Variants in SPIDR observed in about 807,000 individuals in gnomAD.
SPIDR encodes DNA repair-scaffolding protein.
In SPIDR, 93 loss-of-function variants were observed where a neutral mutation model predicts 104.6. That is an observed-to-expected ratio of 0.89 (90% CI 0.75 to 1.06). The LOEUF (loss-of-function observed/expected upper bound fraction) is 1.06, where lower values mean the gene tolerates loss of function less well. Among genes scored for constraint, SPIDR ranks in the 50% least tolerant of loss-of-function variants. The probability of loss-of-function intolerance (pLI) is 0.00; values close to 1 mark genes in which losing one functional copy is unlikely to be tolerated. For synonymous variants in SPIDR, 431 were observed against 416.9 expected, an observed-to-expected ratio of 1.03 and a Z score of -0.41; for missense variants, 1,154 against 1,111.2, an observed-to-expected ratio of 1.04 and a Z score of -0.55.
intron 8 of SPIDR, among the ~76,000 whole-genome samples, chr8:47,452,136 C>T (rs2071897395): frequency 6.6e-6 from 1 of 152,072 alleles, no homozygotes; most frequent in Non-Finnish European, 1.5e-5. Flanking sequence ...GTTGATGAAA[C>T]CCAAAGACAA....
intron 16 of SPIDR, among the ~76,000 whole-genome samples, chr8:47,717,973 C>A (rs1455496651): frequency 6.6e-6 from 1 of 152,152 alleles, no homozygotes; most frequent in African/African-American, 2.4e-5. Flanking sequence ...ATGAGAGCAG[C>A]CCTGGGGCAC....
intron 16 of SPIDR, among the ~76,000 whole-genome samples, chr8:47,721,309 T>G (rs1251807615): frequency 6.6e-6 from 1 of 152,198 alleles, no homozygotes; most frequent in Admixed American, 6.5e-5. Flanking sequence ...TTTTTTTGCC[T>G]GTGGAAATCT....
chr8:47,343,782 C>T (rs1475888650), intron 5 of SPIDR, among the ~76,000 whole-genome samples: 1 of 151,978 alleles, frequency 6.6e-6, no homozygotes, highest in African/African-American at 2.4e-5. Flanking sequence ...GTTTCATTCC[C>T]AGAAGTTTCT....
At chr8:47,324,212 G>C (rs997181704) in intron 5 of SPIDR, among the ~76,000 whole-genome samples, 8 of 152,160 alleles carry the variant, frequency 5.3e-5, no homozygotes, top group Admixed American at 2.0e-4. Flanking sequence ...TATCTTGTCT[G>C]AAATCACACA....
chr8:47,503,007 T>G (rs532145231), intron 8 of SPIDR, among the ~76,000 whole-genome samples: 1 of 152,328 alleles, frequency 6.6e-6, no homozygotes, highest in South Asian at 2.1e-4. Context: ...AGAGAGAGTT[T>G]GTTATAATTT....
In SPIDR at chr8:47,732,123, C is replaced by G. The variant is rs2085346763; in HGVS notation, c.2604+2658C>G. 4 of 702,464 alleles carry G rather than the reference C, an allele frequency of 5.7e-6. No individual in the cohort carries two copies. In the South Asian group the frequency reaches 5.9e-5, roughly 10 times the overall value. 43.5% of individuals were successfully genotyped at this position (702,464 alleles called of 1,614,324 possible). ...GACACCCGTTCCAATCCCCACCCCT[C>G]TTTAGAGATCCAGAGACCAGGAACC... On this transcript the variant is annotated intron_variant, in intron 19 of 19. Transcript: ENST00000297423.
rs544480585 is a variant in SPIDR, at chr8:47,401,162, A to G, written c.776+4536A>G. The stretch of plus-strand genomic sequence containing the variant: ...CTCGGCAGACACTCTAGAAGCCAGA[A>G]TAGAGTGGGGGGCCAATATTCAACA... On this transcript the variant is annotated intron_variant, in intron 6 of 19. Transcript: ENST00000297423. 2.6e-3 allele frequency among the ~76,000 whole-genome samples: 392 copies of G among 152,344 alleles called. 2 individuals are homozygous for G. Among genetic ancestry groups the G allele is most frequent in the African/African-American group, 8.7e-3 (361 of 41,588 alleles).
intron 8 of SPIDR, among the ~76,000 whole-genome samples, chr8:47,591,278 G>A (rs894673971): frequency 5.3e-5 from 8 of 149,816 alleles, no homozygotes; most frequent in African/African-American, 1.7e-4. Flanking sequence ...TATTTATAAC[G>A]TTTTGGTGTA....
At chr8:47,298,946 T>C (rs2041470368) in intron 5 of SPIDR, among the ~76,000 whole-genome samples, 1 of 152,238 alleles carries the variant, frequency 6.6e-6, no homozygotes, top group Non-Finnish European at 1.5e-5. Context: ...GGCTCCTTTT[T>C]GGTTCCATAT....
At chr8:47,433,473 C>T (rs1554690428) in intron 7 of SPIDR, among the ~76,000 whole-genome samples, 1 of 47,810 alleles carries the variant, frequency 2.1e-5, no homozygotes, top group Non-Finnish European at 3.9e-5. Context: ...TGCCCAGGCT[C>T]CAGCCGACCA....
At chr8:47,710,221 A>T (rs1314201468) in intron 14 of SPIDR, among the ~76,000 whole-genome samples, 2 of 152,102 alleles carry the variant, frequency 1.3e-5, no homozygotes, top group Non-Finnish European at 2.9e-5. Context: ...TACTGCTTTA[A>T]TTAGTTACTG....
At chr8:47,430,617 T>G (rs944355992) in intron 7 of SPIDR, among the ~76,000 whole-genome samples, 2 of 152,166 alleles carry the variant, frequency 1.3e-5, no homozygotes, top group African/African-American at 4.8e-5. Flanking sequence ...TTCCACAGGA[T>G]GGTTTAAAGG....
At chr8:47,526,820 C>A (rs1435895955) in intron 8 of SPIDR, among the ~76,000 whole-genome samples, 1 of 152,140 alleles carries the variant, frequency 6.6e-6, no homozygotes, top group Non-Finnish European at 1.5e-5. Context: ...AACTAAAAAT[C>A]AATGGTTTTT....
chr8:47,428,794 G>A (rs1297293936), intron 7 of SPIDR, among the ~76,000 whole-genome samples: 1 of 152,136 alleles, frequency 6.6e-6, no homozygotes, highest in Non-Finnish European at 1.5e-5. Context: ...CCCACTCAGC[G>A]TGGGTCAGCT....
At chr8:47,515,967 A>G (rs372448205) in intron 8 of SPIDR, among the ~76,000 whole-genome samples, 463 of 152,122 alleles carry the variant, frequency 3.0e-3, no homozygotes, top group African/African-American at 0.011. Context: ...TCACCACCAC[A>G]CCAGCCTAAT....
At chr8:47,511,373 G>C (rs1391029735) in intron 8 of SPIDR, 1 of 975,226 alleles carries the variant, frequency 1.0e-6, no homozygotes, top group Non-Finnish European at 1.7e-6. Context: ...CTCGGTGTCT[G>C]ACCCTCGCCA....
chr8:47,670,370 A>G (rs1346789334), intron 10 of SPIDR, among the ~76,000 whole-genome samples: 1 of 152,206 alleles, frequency 6.6e-6, no homozygotes, highest in African/African-American at 2.4e-5. Flanking sequence ...AGCATACTGG[A>G]AACTAAAAAA....
intron 10 of SPIDR, among the ~76,000 whole-genome samples, chr8:47,666,226 C>T (rs1308191483): frequency 1.3e-5 from 2 of 152,166 alleles, no homozygotes; most frequent in African/African-American, 2.4e-5. Context: ...GTTCCTCAGT[C>T]ACATCAGCCA....
intron 5 of SPIDR, among the ~76,000 whole-genome samples, chr8:47,377,205 T>C (rs1488056667): frequency 5.3e-5 from 8 of 152,212 alleles, no homozygotes; most frequent in Admixed American, 5.2e-4. Context: ...TATTTAGCTA[T>C]ACCTGATTAC....
Sources: gnomAD v4.1 joint callset for allele counts (sites outside exome capture counted in the v4.1 genomes callset) on GRCh38, gnomAD v4.1.1 for gene constraint, MANE v1.5 for transcripts, NCBI Gene and HGNC (gene_info 2026-07-23, HGNC 2026-07-21) for gene names.